Variants in WDFY4 observed in about 807,000 individuals in gnomAD.
The protein encoded by WDFY4 is WDFY family member 4.
In WDFY4, 169 loss-of-function variants were observed where a neutral mutation model predicts 351.9. The observed-to-expected ratio is 0.48, with a 90% CI of 0.42 to 0.55. The LOEUF (loss-of-function observed/expected upper bound fraction) is 0.55, where lower values mean the gene tolerates loss of function less well. WDFY4 is among the 20% of genes least tolerant of loss of function. The probability of loss-of-function intolerance (pLI) is 0.00; values close to 1 mark genes in which losing one functional copy is unlikely to be tolerated. For missense variants in WDFY4, 3,803 were observed against 3,935.6 expected, an observed-to-expected ratio of 0.97 and a Z score of 0.90; for synonymous variants, 1,622 against 1,574.6, an observed-to-expected ratio of 1.03 and a Z score of -0.71.
At chr10:48,886,917 A>G (rs1003190148) in intron 43 of WDFY4, among the ~76,000 whole-genome samples, 1 of 152,274 alleles carries the variant, frequency 6.6e-6, no homozygotes, top group African/African-American at 2.4e-5. Flanking sequence ...CAATAGAATC[A>G]TGGCATAAGG....
At chr10:48,904,600 A>C (rs1837521658) in intron 47 of WDFY4, among the ~76,000 whole-genome samples, 1 of 152,046 alleles carries the variant, frequency 6.6e-6, no homozygotes, top group African/African-American at 2.4e-5. Flanking sequence ...CATTTCTCAT[A>C]GGCGTTCTCA....
At chr10:48,847,927 G>A (rs2068831693) in intron 39 of WDFY4, among the ~76,000 whole-genome samples, 1 of 152,160 alleles carries the variant, frequency 6.6e-6, no homozygotes, top group Non-Finnish European at 1.5e-5. Flanking sequence ...TGGTGGTCTG[G>A]TCCCTCTTCA....
rs1225511537 is a variant in WDFY4 at position 48,943,363 on chromosome 10, T to C, written c.7663T>C (p.Tyr2555His). 1.3e-6 allele frequency: 2 copies of C among 1,551,800 alleles called. No homozygotes were observed. The highest frequency in any genetic ancestry group is 2.0e-5 in the Admixed American group (1 of 51,010). ...RDISNFEYLM[Y>H]LNTAAGRTCN... Reference sequence around the variant, plus strand: ...CATCAGCAATTTTGAGTATCTCATGTACCTCAACACCGCGGCTGGGAGAAC... The same window carrying C: ...CATCAGCAATTTTGAGTATCTCATGCACCTCAACACCGCGGCTGGGAGAAC... The change falls in exon 49 of 62, where the codon TAC becomes CAC. Residue 2555 changes from tyrosine to histidine, a missense_variant. Coordinates refer to ENST00000325239, the MANE Select transcript of WDFY4 (RefSeq NM_001394531.1).
At chr10:48,916,436 T>C (rs1042061693) in intron 47 of WDFY4, among the ~76,000 whole-genome samples, 1 of 152,228 alleles carries the variant, frequency 6.6e-6, no homozygotes, top group Non-Finnish European at 1.5e-5. Context: ...CCTGTATCCC[T>C]GGAGTCATCC....
At chr10:48,753,865 A>G (rs575785733) in intron 12 of WDFY4, among the ~76,000 whole-genome samples, 1 of 152,362 alleles carries the variant, frequency 6.6e-6, no homozygotes, top group African/African-American at 2.4e-5. Context: ...TTTGAGGGTC[A>G]GCTGTCACCA....
intron 11 of WDFY4, among the ~76,000 whole-genome samples, chr10:48,739,107 C>T (rs774771239): frequency 3.9e-5 from 6 of 152,234 alleles, no homozygotes; most frequent in Non-Finnish European, 8.8e-5. Flanking sequence ...TGCTAATATA[C>T]ATTTAGCTGT....
chr10:48,736,631 G>A (rs1442331952), intron 11 of WDFY4, among the ~76,000 whole-genome samples: 1 of 152,200 alleles, frequency 6.6e-6, no homozygotes, highest in Non-Finnish European at 1.5e-5. Flanking sequence ...AAGAGTACCT[G>A]GGGCTTATAG....
chr10:48,792,477 G>A (rs1028643888), intron 23 of WDFY4, among the ~76,000 whole-genome samples: 1 of 152,204 alleles, frequency 6.6e-6, no homozygotes, highest in African/African-American at 2.4e-5. Flanking sequence ...GAGTAAATGG[G>A]TATGTCTGAG....
At chr10:48,954,374 T>C (rs1841486708) in intron 51 of WDFY4, among the ~76,000 whole-genome samples, 1 of 152,226 alleles carries the variant, frequency 6.6e-6, no homozygotes, top group Non-Finnish European at 1.5e-5. Flanking sequence ...TTTTTTACAG[T>C]TTGTTTGGAT....
At chr10:48,777,787 T>C (rs966112977) in intron 17 of WDFY4, among the ~76,000 whole-genome samples, 1 of 152,260 alleles carries the variant, frequency 6.6e-6, no homozygotes, top group African/African-American at 2.4e-5. Context: ...GCCTTGGTCC[T>C]GAGTATCTGC....
At chr10:48,903,646 G>C (rs554851498) in intron 47 of WDFY4, among the ~76,000 whole-genome samples, 1 of 152,310 alleles carries the variant, frequency 6.6e-6, no homozygotes, top group East Asian at 1.9e-4. Flanking sequence ...AATTAAATGA[G>C]GATGATCAGA....
intron 13 of WDFY4, among the ~76,000 whole-genome samples, chr10:48,769,162 C>T (rs1040701833): frequency 5.9e-5 from 9 of 152,150 alleles, no homozygotes; most frequent in African/African-American, 9.7e-5. Context: ...TGCCTAGTTA[C>T]GTTGAGGAAG....
intron 47 of WDFY4, among the ~76,000 whole-genome samples, chr10:48,908,543 C>T (rs1432782467): frequency 1.3e-5 from 2 of 152,086 alleles, no homozygotes; most frequent in African/African-American, 2.4e-5. Context: ...TTTAGATTCT[C>T]ATGTTAAGCT....
At position 48,822,544 on chromosome 10, in the gene WDFY4, G is replaced by A; in HGVS notation, c.5982+7G>A. 2 of 1,526,216 alleles carry A rather than the reference G, an allele frequency of 1.3e-6. No homozygotes were observed. Among genetic ancestry groups the A allele is most frequent in the East Asian group, 2.5e-5 (1 of 40,298 alleles). 94.5% of individuals were successfully genotyped at this position (1,526,216 alleles called of 1,614,324 possible). On this transcript the variant is annotated splice_region_variant and intron_variant, in intron 35 of 61. Transcript: ENST00000325239. ...CCTGGAGCACATCATGGTGGTAAGAGCTGCTCACTGACCGGGTATCTGTGT... is the reference window on the plus strand; with the variant it reads ...CCTGGAGCACATCATGGTGGTAAGAACTGCTCACTGACCGGGTATCTGTGT...
intron 1 of WDFY4, among the ~76,000 whole-genome samples, chr10:48,699,231 G>A (rs1007091750): frequency 2.0e-5 from 3 of 152,318 alleles, no homozygotes; most frequent in Middle Eastern, 3.4e-3. Flanking sequence ...CCTGGCCATA[G>A]CCACTCTGAG....
At chr10:48,721,764 G>C (rs533366545) in intron 4 of WDFY4, among the ~76,000 whole-genome samples, 1 of 152,308 alleles carries the variant, frequency 6.6e-6, no homozygotes, top group South Asian at 2.1e-4. Flanking sequence ...AGGACCCTAT[G>C]AGTCAGATCT....
intron 51 of WDFY4, among the ~76,000 whole-genome samples, chr10:48,952,224 C>T (rs1276937338): frequency 6.6e-6 from 1 of 152,202 alleles, no homozygotes; most frequent in Non-Finnish European, 1.5e-5. Context: ...CCTGCCTCTT[C>T]ACTTGCTGCC....
intron 40 of WDFY4, 50 bp downstream of exon 40, chr10:48,867,392 T>G (rs1228692698): frequency 1.6e-6 from 2 of 1,240,064 alleles, no homozygotes; most frequent in Middle Eastern, 2.3e-4. Flanking sequence ...GGAATCCACC[T>G]TGAACCTGAA....
rs116633235 is a variant in WDFY4 at position 48,727,369 on chromosome 10, T to C, written c.782-101T>C. ...CATGTTTTGGATTAATTCCCATTCA[T>C]GTCTTGACATGTTGTTTGGAGTAGG... On this transcript the variant is annotated intron_variant, in intron 6 of 61. Coordinates refer to ENST00000325239, the MANE Select transcript of WDFY4 (RefSeq NM_001394531.1). 4.3e-4 allele frequency: 521 copies of C among 1,205,532 alleles called. 3 individuals are homozygous for C. The African/African-American group carries it at 7.4e-3, about 17-fold the overall frequency. 74.7% of individuals were successfully genotyped at this position (1,205,532 alleles called of 1,614,324 possible). A position where few individuals can be genotyped will look rare whatever the true frequency, so the allele number is the denominator to read the frequency against.
Sources: allele counts gnomAD v4.1 joint callset (sites outside exome capture counted in the v4.1 genomes callset), GRCh38; gene constraint gnomAD v4.1.1; transcripts MANE v1.5; gene names NCBI Gene and HGNC (gene_info 2026-07-23, HGNC 2026-07-21).